The following MED26 variants were observed in gnomAD, a reference collection of about 807,000 sequenced individuals.
The protein encoded by MED26 is mediator of RNA polymerase II transcription subunit 26.
In MED26, 7 loss-of-function variants were observed where a neutral mutation model predicts 43.7. The observed-to-expected ratio is 0.16, with a 90% CI of 0.09 to 0.30. The LOEUF (loss-of-function observed/expected upper bound fraction) is 0.30, where lower values mean the gene tolerates loss of function less well. Among genes scored for constraint, MED26 ranks in the 10% least tolerant of loss-of-function variants. The pLI, the probability that MED26 is intolerant of heterozygous loss-of-function variation, is 1.00. For synonymous variants in MED26, 375 were observed against 371.1 expected (o/e 1.01, Z -0.12); for missense variants, 784 against 840.6 (o/e 0.93, Z 0.83).
chr19:16,609,307 G>A (rs1387738129), intron 1 of MED26, among the ~76,000 whole-genome samples: 9 of 82,814 alleles, frequency 1.1e-4, no homozygotes, highest in African/African-American at 3.8e-4. Flanking sequence ...GCGAGACTCC[G>A]TCTCAAAAAA....
chr19:16,593,846 T>A (rs1448958053), intron 1 of MED26, among the ~76,000 whole-genome samples: 1 of 152,094 alleles, frequency 6.6e-6, no homozygotes, highest in Non-Finnish European at 1.5e-5. Context: ...AAAGCTGTGG[T>A]CAATGGTGGC....
intron 1 of MED26, among the ~76,000 whole-genome samples, chr19:16,598,649 A>G (rs2086133931): frequency 6.6e-6 from 1 of 152,012 alleles, no homozygotes; most frequent in Admixed American, 6.6e-5. Context: ...TCCCCTGCAC[A>G]CCCTCTGACA....
Position 16,581,308 on chromosome 19 carries a change from C to T in MED26, c.73-2899G>A, listed in dbSNP as rs183989516. ...ATATGAGGGGAGATACAGTCCTGTCCGCACTCCTCGTGCAATGGGCAGGGA... is the reference window on the plus strand; with the variant it reads ...ATATGAGGGGAGATACAGTCCTGTCTGCACTCCTCGTGCAATGGGCAGGGA... On this transcript the variant is annotated intron_variant, in intron 1 of 2. Transcript: ENST00000263390. Among the ~76,000 whole-genome samples the T allele has an allele frequency of 2.7e-3, 415 of 152,282 alleles. 5 individuals carry two copies. The highest frequency in any genetic ancestry group is 9.5e-3 in the African/African-American group (395 of 41,550).
chr19:16,609,595 A>T (rs1334509129), intron 1 of MED26, among the ~76,000 whole-genome samples: 1 of 151,738 alleles, frequency 6.6e-6, no homozygotes, highest in African/African-American at 2.4e-5. Context: ...TGGTTGTCAA[A>T]TTTTCACCAG....
rs1108174 is a variant in MED26 at position 16,593,304 on chromosome 19, A to T, written c.73-14895T>A. On this transcript the variant is annotated intron_variant, in intron 1 of 2. Coordinates refer to ENST00000263390, the MANE Select transcript of MED26 (RefSeq NM_004831.5). ...AAGCCCTTTCCAGCAAGGGAGAGGCAGGGAGGCATGAGGGAGCTCCTCCCC... is the reference window on the plus strand; with the variant it reads ...AAGCCCTTTCCAGCAAGGGAGAGGCTGGGAGGCATGAGGGAGCTCCTCCCC... 6.3e-3 allele frequency among the ~76,000 whole-genome samples: 962 copies of T among 152,306 alleles called. 14 individuals are homozygous for T. The highest frequency in any genetic ancestry group is 0.021 in the African/African-American group (877 of 41,566).
At chr19:16,612,806 T>C (rs1412333102) in intron 1 of MED26, among the ~76,000 whole-genome samples, 2 of 152,208 alleles carry the variant, frequency 1.3e-5, no homozygotes, top group Non-Finnish European at 2.9e-5. Flanking sequence ...GTCTGGGATT[T>C]TGTTCTACAA....
At chr19:16,596,481 C>T (rs747331627) in intron 1 of MED26, among the ~76,000 whole-genome samples, 2 of 152,210 alleles carry the variant, frequency 1.3e-5, no homozygotes, top group Non-Finnish European at 2.9e-5. Flanking sequence ...CCTCAGCCAT[C>T]GAGTGCATAC....
At chr19:16,593,849 A>G (rs914920312) in intron 1 of MED26, among the ~76,000 whole-genome samples, 6 of 151,768 alleles carry the variant, frequency 4.0e-5, no homozygotes, top group African/African-American at 1.5e-4. Flanking sequence ...GCTGTGGTCA[A>G]TGGTGGCACT....
At chr19:16,595,587 T>A (rs1197083286) in intron 1 of MED26, among the ~76,000 whole-genome samples, 1 of 152,162 alleles carries the variant, frequency 6.6e-6, no homozygotes, top group Non-Finnish European at 1.5e-5. Context: ...AGTGCTCAGG[T>A]CTGACCTCAG....
chr19:16,607,382 A>AC (rs1250562217), intron 1 of MED26, among the ~76,000 whole-genome samples: 4 of 151,276 alleles, frequency 2.6e-5, no homozygotes, highest in Non-Finnish European at 5.9e-5. Context: ...GGGGAAAAAA[A>AC]AAAAAAAAAA....
intron 1 of MED26, chr19:16,610,319 T>C (rs1339540167): frequency 6.6e-5 from 10 of 151,658 alleles, no homozygotes; most frequent in Non-Finnish European, 1.3e-4. Context: ...ATAATAATAA[T>C]CATAATGTTA....
intron 1 of MED26, among the ~76,000 whole-genome samples, chr19:16,615,516 G>A (rs1390999320): frequency 1.3e-5 from 2 of 152,204 alleles, no homozygotes; most frequent in African/African-American, 4.8e-5. Flanking sequence ...GGAGGCCAAG[G>A]TGGGTGGATC....
chr19:16,623,475 G>A (rs2086260248), intron 1 of MED26, among the ~76,000 whole-genome samples: 1 of 152,222 alleles, frequency 6.6e-6, no homozygotes. Context: ...GTGCTGTAAT[G>A]TTGAAGTAGA....
At position 16,592,408 on chromosome 19, in the gene MED26, C is replaced by A. The variant is rs527794327; in HGVS notation, c.73-13999G>T. Among the ~76,000 whole-genome samples, 10 of 152,332 alleles carry A rather than the reference C, an allele frequency of 6.6e-5. No individual in the cohort carries two copies. The South Asian group carries it at 2.1e-3, about 32-fold the overall frequency. On this transcript the variant is annotated intron_variant, in intron 1 of 2. Transcript: ENST00000263390. Reference sequence around the variant, plus strand: ...GGTGGTGTGACAGGGTCCAGACAAACCACAACAGGATGAAAGGACAGGAAA... The same window carrying A: ...GGTGGTGTGACAGGGTCCAGACAAAACACAACAGGATGAAAGGACAGGAAA...
At chr19:16,582,183 T>G (rs533830783) in intron 1 of MED26, among the ~76,000 whole-genome samples, 14 of 152,322 alleles carry the variant, frequency 9.2e-5, no homozygotes, top group Middle Eastern at 3.4e-3. Context: ...CAGAAGGCAG[T>G]CAGTGATGTC....
chr19:16,625,961 T>C (rs1052761936), intron 1 of MED26, among the ~76,000 whole-genome samples: 4 of 152,238 alleles, frequency 2.6e-5, no homozygotes, highest in African/African-American at 9.6e-5. Flanking sequence ...ATAAGCGGTA[T>C]GAAATGCAAA....
At chr19:16,581,351 T>C (rs926559256) in intron 1 of MED26, among the ~76,000 whole-genome samples, 1 of 152,314 alleles carries the variant, frequency 6.6e-6, no homozygotes, top group Admixed American at 6.5e-5. Context: ...AGGGGAAGAC[T>C]GTGCGATGAG....
chr19:16,627,692 G>C (rs2086287354), intron 1 of MED26, among the ~76,000 whole-genome samples, 180 bp downstream of exon 1: 1 of 152,212 alleles, frequency 6.6e-6, no homozygotes, highest in Non-Finnish European at 1.5e-5. Context: ...GAGCGCTGCC[G>C]GGCTGCCCGA....
rs769267106 is a variant in MED26, at chr19:16,577,441, C to T, written c.389G>A (p.Arg130His). The T allele has an allele frequency of 1.4e-5, 22 of 1,593,454 alleles. No homozygotes were observed. Among genetic ancestry groups the T allele is most frequent in the Admixed American group, 5.1e-5 (3 of 58,980 alleles). Residue 130 changes from arginine (R) to histidine (H), a missense_variant, in exon 3 of 3, where the codon CGC becomes CAC. By Grantham distance (29) the Arg-to-His change is conservative. This residue lies in a region of MED26 where 719 missense variants were observed against 730.9 expected (regional missense o/e 0.98). Transcript: ENST00000263390. The surrounding 1 kb of genome is among the most constrained non-coding windows in gnomAD (Gnocchi z 8.1). ...CCCGGGCAGCCTCTGGAGGTCATTG[C>T]GGCTCTTCAGGTCATGGATGCTCCT... ...PPRSIHDLKS[R>H]NDLQRLPGQR...
Sources: allele counts gnomAD v4.1 joint callset (sites outside exome capture counted in the v4.1 genomes callset), GRCh38; gene constraint gnomAD v4.1.1; regional missense constraint gnomAD v4.1.1; non-coding constraint Gnocchi (gnomAD v3.1); transcripts MANE v1.5; gene names NCBI Gene and HGNC (gene_info 2026-07-23, HGNC 2026-07-21).